The following THADA variants were observed in gnomAD, a reference collection of about 807,000 sequenced individuals.
THADA encodes the protein tRNA (32-2'-O)-methyltransferase regulator THADA.
A neutral mutation model predicts 219.8 loss-of-function variants in THADA; 213 were observed. The observed-to-expected ratio is 0.97, with a 90% confidence interval of 0.87 to 1.09. The LOEUF (loss-of-function observed/expected upper bound fraction) is 1.09. THADA is among the 50% of genes least tolerant of loss of function. THADA has a pLI of 0.00. For missense variants in THADA, 2,956 were observed against 2,311.3 expected, an observed-to-expected ratio of 1.28 and a Z score of -5.72; for synonymous variants, 1,018 against 828.9, an observed-to-expected ratio of 1.23 and a Z score of -3.92.
chr2:43,329,085 T>C (rs1216261987), intron 30 of THADA, among the ~76,000 whole-genome samples: 4 of 152,222 alleles, frequency 2.6e-5, no homozygotes, highest in Non-Finnish European at 5.9e-5. Flanking sequence ...GTATGTTTTT[T>C]ATTCCTTTTA....
rs1204664233 is a variant in THADA at position 43,577,228 on chromosome 2, C to G, written c.831G>C (p.Leu277=). The change falls in exon 10 of 38, where the codon CTG becomes CTC. Residue 277 remains leucine, a synonymous_variant. Transcript: ENST00000405975. ...CACTGGTGCAGTCCACTGAACGAAG[C>G]AGCACACTGCTAATCTGGAAAAATA... ...EKIPHLISSV[L]LRSVDCTSVP... 7.5e-6 allele frequency: 12 copies of G among 1,590,642 alleles called. 1 individual carries two copies. The East Asian group carries it at 2.5e-4, about 33-fold the overall frequency.
intron 31 of THADA, among the ~76,000 whole-genome samples, chr2:43,297,516 G>A (rs1675619325): frequency 1.8e-5 from 2 of 109,612 alleles, no homozygotes; most frequent in South Asian, 3.2e-4. Flanking sequence ...CAGCCCCCCC[G>A]CCCGGCCAGC....
At chr2:43,283,150 G>C (rs976588314) in intron 35 of THADA, among the ~76,000 whole-genome samples, 2 of 152,180 alleles carry the variant, frequency 1.3e-5, no homozygotes, top group African/African-American at 4.8e-5. Flanking sequence ...GCTGTGCCTT[G>C]CTTCCCCTTT....
intron 31 of THADA, among the ~76,000 whole-genome samples, chr2:43,308,029 G>C (rs1239325090): frequency 4.2e-5 from 6 of 144,208 alleles, no homozygotes; most frequent in Non-Finnish European, 9.0e-5. Context: ...GAACAATACA[G>C]TATCTAAAAT....
At chr2:43,577,760 G>A (rs539265355) in intron 9 of THADA, among the ~76,000 whole-genome samples, 2 of 151,964 alleles carry the variant, frequency 1.3e-5, no homozygotes, top group South Asian at 2.1e-4. Flanking sequence ...CAAATTTACT[G>A]AACAATTGAC....
chr2:43,250,396 G>A (rs914934501), intron 36 of THADA, among the ~76,000 whole-genome samples: 1 of 152,184 alleles, frequency 6.6e-6, no homozygotes, highest in Non-Finnish European at 1.5e-5. Context: ...AGAGGCCAGG[G>A]GATAGTGGGG....
intron 26 of THADA, among the ~76,000 whole-genome samples, chr2:43,482,646 T>A (rs1686372118): frequency 6.6e-6 from 1 of 152,200 alleles, no homozygotes; most frequent in African/African-American, 2.4e-5. Flanking sequence ...ACTTATTCAT[T>A]AGGCAATTAT....
intron 26 of THADA, among the ~76,000 whole-genome samples, chr2:43,443,832 C>A (rs1244079297): frequency 6.6e-6 from 1 of 152,206 alleles, no homozygotes; most frequent in Non-Finnish European, 1.5e-5. Context: ...TGGGGAAACA[C>A]AGAAGCTACT....
Position 43,574,828 on chromosome 2 carries a change from T to C in THADA, c.1237A>G (p.Ile413Val), listed in dbSNP as rs1559003611. 1.2e-6 allele frequency: 2 copies of C among 1,614,032 alleles called. No homozygotes were observed. Among genetic ancestry groups the C allele is most frequent in the Non-Finnish European group, 8.5e-7 (1 of 1,179,892 alleles). ...PLDALRHQTK[I>V]MFKNLLQMHR... is the part of the protein sequence containing the mutation. ...ATTTGGAGAAGGTTTTTGAACATGATTTTGGTTTGGTGTCTCAGAGCATCC... is the reference window on the plus strand; with the variant it reads ...ATTTGGAGAAGGTTTTTGAACATGACTTTGGTTTGGTGTCTCAGAGCATCC... The change falls in exon 11 of 38, where the codon ATC becomes GTC. Residue 413 changes from isoleucine to valine, a missense_variant. Transcript: ENST00000405975.
intron 29 of THADA, among the ~76,000 whole-genome samples, chr2:43,364,217 T>C (rs1363840572): frequency 6.6e-6 from 1 of 152,036 alleles, no homozygotes; most frequent in East Asian, 1.9e-4. Context: ...GACCAGACCT[T>C]GTCTCAAAAA....
At chr2:43,405,355 G>A (rs1489290121) in intron 28 of THADA, among the ~76,000 whole-genome samples, 1 of 152,214 alleles carries the variant, frequency 6.6e-6, no homozygotes, top group Non-Finnish European at 1.5e-5. Flanking sequence ...TATCCAGTGA[G>A]TTGGAAAAAG....
chr2:43,273,244 C>T (rs993427083), intron 36 of THADA, among the ~76,000 whole-genome samples: 1 of 149,540 alleles, frequency 6.7e-6, no homozygotes, highest in African/African-American at 2.5e-5. Flanking sequence ...AAGAGTGAAA[C>T]TCTGTCTCAA....
At chr2:43,261,377 T>C (rs1331489359) in intron 36 of THADA, among the ~76,000 whole-genome samples, 2 of 150,926 alleles carry the variant, frequency 1.3e-5, no homozygotes, top group African/African-American at 2.4e-5. Flanking sequence ...GCATGCACCA[T>C]CATGCCCAGC....
intron 30 of THADA, among the ~76,000 whole-genome samples, chr2:43,341,577 T>C (rs1280098465): frequency 1.3e-5 from 2 of 152,108 alleles, no homozygotes; most frequent in Non-Finnish European, 2.9e-5. Context: ...GGTAATGGAC[T>C]CAGGAAGCCA....
intron 28 of THADA, among the ~76,000 whole-genome samples, chr2:43,410,730 G>T (rs1161675860): frequency 1.3e-5 from 2 of 152,060 alleles, no homozygotes; most frequent in Non-Finnish European, 2.9e-5. Flanking sequence ...CCAGGGAGGT[G>T]GGGGAGGGGA....
At chr2:43,248,116 C>G (rs956580132) in intron 36 of THADA, among the ~76,000 whole-genome samples, 1 of 135,710 alleles carries the variant, frequency 7.4e-6, no homozygotes, top group South Asian at 2.4e-4. Context: ...AATGCCTTCA[C>G]TGCTCCATAC....
rs200479507 is a variant in THADA, at chr2:43,541,323, C to CA, written c.3107-8dup. On this transcript the variant is annotated splice_region_variant and splice_polypyrimidine_tract_variant and intron_variant, in intron 20 of 37. Transcript: ENST00000405975. Reference sequence around the variant, plus strand: ...CATGTTTTTACTTCTTTACCTTAAACAAAAAAAAACACAACGATTGCAACC... The same window carrying CA: ...CATGTTTTTACTTCTTTACCTTAAACAAAAAAAAAACACAACGATTGCAACC... 2.3e-3 allele frequency: 3,643 copies of CA among 1,580,976 alleles called. 45 individuals are homozygous for CA. The African/African-American group carries it at 0.037, about 16-fold the overall frequency.
chr2:43,371,257 C>A (rs1670767725), intron 29 of THADA, among the ~76,000 whole-genome samples: 1 of 152,098 alleles, frequency 6.6e-6, no homozygotes, highest in Admixed American at 6.6e-5. Context: ...AAATATAATT[C>A]TTAAACTCTG....
chr2:43,430,105 A>T (rs548458359), intron 27 of THADA, 108 bp downstream of exon 27: 14 of 553,240 alleles, frequency 2.5e-5, no homozygotes, highest in African/African-American at 7.9e-5. Flanking sequence ...AAACAAATTT[A>T]AAAAAGGGAA....
Sources: allele counts gnomAD v4.1 joint callset (sites outside exome capture counted in the v4.1 genomes callset), GRCh38; gene constraint gnomAD v4.1.1; transcripts MANE v1.5; gene names NCBI Gene and HGNC (gene_info 2026-07-23, HGNC 2026-07-21).